Variants in ASIP observed in about 807,000 individuals in gnomAD.
The protein encoded by ASIP is agouti-signaling protein.
Under a neutral mutation model 10.3 loss-of-function variants are expected in ASIP, and 11 were observed. That is an observed-to-expected ratio of 1.07 (90% CI 0.68 to 1.78). ASIP has a LOEUF of 1.78. ASIP is among the 40% of genes most tolerant of loss of function. The pLI, the probability that ASIP is intolerant of heterozygous loss-of-function variation, is 0.00. For synonymous variants in ASIP, 70 were observed against 70.8 expected (o/e 0.99, Z 0.06); for missense variants, 180 against 169.2 (o/e 1.06, Z -0.35).
chr20:34,210,991 A>T (rs1026922941), intron 1 of ASIP, among the ~76,000 whole-genome samples: 14 of 152,126 alleles, frequency 9.2e-5, no homozygotes, highest in African/African-American at 2.9e-4. Flanking sequence ...TATTATTTTT[A>T]AAATTTGATA....
chr20:34,251,109 C>T (rs1323686076), intron 1 of ASIP, among the ~76,000 whole-genome samples: 3 of 152,212 alleles, frequency 2.0e-5, no homozygotes, highest in Admixed American at 1.3e-4. Flanking sequence ...GAGGAACACA[C>T]TCACTGCTAT....
intron 1 of ASIP, among the ~76,000 whole-genome samples, chr20:34,244,663 G>T (rs1320689323): frequency 1.3e-5 from 2 of 151,998 alleles, no homozygotes; most frequent in Non-Finnish European, 1.5e-5. Flanking sequence ...TAAGTTTTAC[G>T]CAAGGCTGGT....
chr20:34,214,912 G>A (rs1224043836), intron 1 of ASIP: 11 of 1,519,786 alleles, frequency 7.2e-6, no homozygotes, highest in Non-Finnish European at 9.1e-6. Context: ...TGCCTCTTGA[G>A]CATTCTTAAT....
chr20:34,207,684 A>G (rs2034946206), intron 1 of ASIP, among the ~76,000 whole-genome samples: 2 of 152,180 alleles, frequency 1.3e-5, no homozygotes, highest in South Asian at 4.1e-4. Flanking sequence ...TCTTTAATCC[A>G]TTTTGATTTG....
At chr20:34,241,604 T>G in intron 1 of ASIP, 115 bp downstream of exon 1, 1 of 927,828 alleles carries the variant, frequency 1.1e-6, no homozygotes, top group South Asian at 5.0e-5. Context: ...ACAGATTTTT[T>G]TGATTCACTT....
At chr20:34,210,052 C>T (rs1482396841) in intron 1 of ASIP, among the ~76,000 whole-genome samples, 6 of 152,196 alleles carry the variant, frequency 3.9e-5, no homozygotes, top group African/African-American at 1.4e-4. Context: ...CACTCCAGGG[C>T]CTCCTCTGAG....
chr20:34,245,611 G>A (rs1396653723), intron 1 of ASIP, among the ~76,000 whole-genome samples: 7 of 151,518 alleles, frequency 4.6e-5, no homozygotes, highest in East Asian at 2.0e-4. Context: ...GGCTGGTCTC[G>A]AACTCCTGAC....
At chr20:34,214,059 C>A in intron 1 of ASIP, 1 of 1,276,540 alleles carries the variant, frequency 7.8e-7, no homozygotes, top group Non-Finnish European at 1.1e-6. Flanking sequence ...TATTAACAAT[C>A]ATCACTCCAA....
chr20:34,202,267 G>A (rs894288276), intron 1 of ASIP, among the ~76,000 whole-genome samples: 6 of 152,088 alleles, frequency 3.9e-5, no homozygotes, highest in African/African-American at 4.8e-5. Flanking sequence ...GCTACTGAGC[G>A]CTTGAAATAG....
chr20:34,235,864 GGAAA>G (rs2035186583), intron 1 of ASIP, among the ~76,000 whole-genome samples: 2 of 37,222 alleles, frequency 5.4e-5, no homozygotes, highest in Admixed American at 3.0e-4. Context: ...AAGGAAGGAA[GGAAA>G]GGAAGGAAGG....
chr20:34,231,769 AG>A, intron 1 of ASIP, among the ~76,000 whole-genome samples: 1 of 152,380 alleles, frequency 6.6e-6, no homozygotes, highest in Non-Finnish European at 1.5e-5. Context: ...TAAGCTCATT[AG>A]GGAAATACAA....
At chr20:34,247,798 T>C (rs950538204) in intron 1 of ASIP, among the ~76,000 whole-genome samples, 1 of 152,160 alleles carries the variant, frequency 6.6e-6, no homozygotes, top group Non-Finnish European at 1.5e-5. Context: ...GGTCTTGCCG[T>C]GTTGCCCAGG....
Position 34,201,017 on chromosome 20 carries a change from CTTCT to C in ASIP, c.-11+6300_-11+6303del, listed in dbSNP as rs1215561275. ...CCTTCCTTCCTTCCTTCCTTCCTTCCTTCTTTCTTTCTTTCTTTCTTTCTTTCTT... is the reference window on the plus strand; with the variant it reads ...CCTTCCTTCCTTCCTTCCTTCCTTCCTTCTTTCTTTCTTTCTTTCTTTCTT... On this transcript the variant is annotated intron_variant, in intron 1 of 3. Coordinates refer to the ASIP transcript ENST00000568305. Among the ~76,000 whole-genome samples, 360 of 63,444 alleles carry C rather than the reference CTTCT, an allele frequency of 5.7e-3. 1 individual carries two copies. The highest frequency in any genetic ancestry group is 0.024 in the East Asian group (52 of 2,140). The allele number at this position is 63,444 out of a possible 152,430, so 41.6% of individuals were successfully genotyped here. A position where few individuals can be genotyped will look rare whatever the true frequency, so the allele number is the denominator to read the frequency against.
At chr20:34,236,820 T>G (rs2035217472), upstream of ASIP, among the ~76,000 whole-genome samples, 7 of 152,204 alleles carry the variant, frequency 4.6e-5, no homozygotes, top group South Asian at 1.5e-3. Flanking sequence ...CTTCTTGAGT[T>G]TTATAGTTTC....
intron 1 of ASIP, among the ~76,000 whole-genome samples, chr20:34,200,080 T>C (rs1209695440): frequency 6.6e-6 from 1 of 152,252 alleles, no homozygotes; most frequent in Non-Finnish European, 1.5e-5. Context: ...GTTCAAGCTT[T>C]TCTTTTAAGA....
rs548216376 is a variant in ASIP at position 34,218,799 on chromosome 20, A to G, written c.-11+24039A>G. Among the ~76,000 whole-genome samples, 568 of 151,994 alleles carry G rather than the reference A, an allele frequency of 3.7e-3. 2 individuals are homozygous for G. The highest frequency in any genetic ancestry group is 6.7e-3 in the Non-Finnish European group (454 of 67,968). On this transcript the variant is annotated intron_variant, in intron 1 of 3. Coordinates refer to the ASIP transcript ENST00000568305. ...TGCCTCAGCCTCCTGGGTAGCTGGG[A>G]CTGCAGGCGCCCGCCACCACGCCCA... is the stretch of plus-strand genomic sequence containing the variant.
At chr20:34,252,288 T>C (rs1263576664) in intron 1 of ASIP, among the ~76,000 whole-genome samples, 1 of 152,216 alleles carries the variant, frequency 6.6e-6, no homozygotes, top group Non-Finnish European at 1.5e-5. Flanking sequence ...CCTCAGTATT[T>C]ATTGATTATT....
chr20:34,250,677 A>G (rs2035459874), intron 1 of ASIP, among the ~76,000 whole-genome samples: 1 of 152,092 alleles, frequency 6.6e-6, no homozygotes, highest in Non-Finnish European at 1.5e-5. Context: ...CATGCCTGTA[A>G]TCCCAGCTAC....
At chr20:34,263,850 T>G (rs1393411920) in intron 3 of ASIP, among the ~76,000 whole-genome samples, 2 of 151,766 alleles carry the variant, frequency 1.3e-5, no homozygotes, top group Non-Finnish European at 2.9e-5. Flanking sequence ...TTTGTATTTT[T>G]AGTAGAGATG....
Sources: gnomAD v4.1 joint callset for allele counts (sites outside exome capture counted in the v4.1 genomes callset) on GRCh38, gnomAD v4.1.1 for gene constraint, MANE v1.5 for transcripts, NCBI Gene and HGNC (gene_info 2026-07-23, HGNC 2026-07-21) for gene names.